SEC13: variants seen among roughly 807,000 people sequenced by gnomAD.
SEC13 encodes the protein SEC13 homolog, nuclear pore and COPII component.
A neutral mutation model predicts 49.2 loss-of-function variants in SEC13; 25 were observed. The ratio of observed to expected loss-of-function variants is 0.51; its 90% CI spans 0.37 to 0.71. The LOEUF (loss-of-function observed/expected upper bound fraction) is 0.71, where lower values mean the gene tolerates loss of function less well. Among genes scored for constraint, SEC13 ranks in the 30% least tolerant of loss-of-function variants. The pLI, the probability that SEC13 is intolerant of heterozygous loss-of-function variation, is 0.00. For missense variants in SEC13, 383 were observed against 417.6 expected (o/e 0.92, Z 0.72); for synonymous variants, 148 against 163.9 (o/e 0.90, Z 0.74).
At chr3:10,319,121 G>A in intron 1 of SEC13, 1 of 1,600,710 alleles carries the variant, frequency 6.2e-7, no homozygotes. Flanking sequence ...GTTTCAGTGT[G>A]GAACAGACAT....
chr3:10,318,991 G>T, intron 1 of SEC13: 1 of 733,658 alleles, frequency 1.4e-6, no homozygotes, highest in Non-Finnish European at 2.2e-6. Context: ...TTTGCAAATA[G>T]AAGGAACTCA....
chr3:10,315,719 G>A (rs1349193534), intron 2 of SEC13, among the ~76,000 whole-genome samples: 3 of 151,698 alleles, frequency 2.0e-5, no homozygotes, highest in African/African-American at 4.8e-5. Flanking sequence ...CGCAGGGTGG[G>A]TATGGGAGAA....
At position 10,317,001 on chromosome 3, in the gene SEC13, CAAAAA is replaced by C. The variant is rs35597823; in HGVS notation, c.48+1044_48+1048del. ...GGGCTACAAGAGCGAAACTCCATCTCAAAAAAAAAAAAAAAAAAAAAGAAAAGTAC... is the reference window on the plus strand; with the variant it reads ...GGGCTACAAGAGCGAAACTCCATCTCAAAAAAAAAAAAAAAAGAAAAGTAC... On this transcript the variant is annotated intron_variant, in intron 2 of 8. Transcript: ENST00000350697. Among the ~76,000 whole-genome samples, 7 of 74,884 alleles carry C rather than the reference CAAAAA, an allele frequency of 9.3e-5. No homozygotes were observed. The East Asian group carries it at 1.4e-3, about 15-fold the overall frequency. The allele number at this position is 74,884 out of a possible 152,430, so 49.1% of individuals were successfully genotyped here.
chr3:10,304,045 ACAGC>A lies in SEC13; in HGVS notation c.832_835del (p.Ala278SerfsTer8). The A allele has an allele frequency of 1.9e-6, 3 of 1,614,146 alleles. No homozygotes were observed. Among genetic ancestry groups the A allele is most frequent in the Non-Finnish European group, 2.5e-6 (3 of 1,180,028 alleles). The stretch of plus-strand genomic sequence containing the variant: ...ATGTACCTTATTGTCTCCACCAGAG[ACAGC>A]CAGGATGTTGGCTGTGATGGACCAG... On this transcript the variant is annotated frameshift_variant, in exon 8 of 9. Coordinates refer to ENST00000350697, the MANE Select transcript of SEC13 (RefSeq NM_183352.3). LOFTEE classifies it high-confidence loss of function.
intron 1 of SEC13, 81 bp downstream of exon 1, chr3:10,320,969 G>T: frequency 6.3e-7 from 1 of 1,592,256 alleles, no homozygotes; most frequent in Admixed American, 1.8e-5. Flanking sequence ...TTGGGATTTG[G>T]GACTCAGGAC....
chr3:10,306,035 CTGCCT>C, intron 5 of SEC13: 1 of 185,124 alleles, frequency 5.4e-6, no homozygotes, highest in Non-Finnish European at 1.1e-5. Flanking sequence ...ATTCTGCCAC[CTGCCT>C]GAAAAGCCCT....
intron 1 of SEC13, chr3:10,320,634 C>G: frequency 9.9e-7 from 1 of 1,011,878 alleles, no homozygotes; most frequent in Non-Finnish European, 1.2e-6. Context: ...GTGCAAGAGG[C>G]TCCACGTCTC....
intron 7 of SEC13, 42 bp downstream of exon 7, chr3:10,304,989 ACT>A (rs1295861250): frequency 2.5e-6 from 4 of 1,612,734 alleles, no homozygotes; most frequent in African/African-American, 1.3e-5. Context: ...GATGGGCCTG[ACT>A]CGAGACTAAA....
At chr3:10,305,274 A>C in intron 6 of SEC13, 118 bp from the exon 7 acceptor site, 1 of 1,414,686 alleles carries the variant, frequency 7.1e-7, no homozygotes, top group Non-Finnish European at 9.4e-7. Context: ...TCTTTCATTC[A>C]TGGAGTTTGT....
At chr3:10,304,976 GCT>G in intron 7 of SEC13, 55 bp downstream of exon 7, 1 of 1,611,704 alleles carries the variant, frequency 6.2e-7, no homozygotes, top group Admixed American at 1.7e-5. Flanking sequence ...GAGACTAAGA[GCT>G]GATGGGCCTG....
chr3:10,310,396 C>T (rs1189895201), intron 5 of SEC13, among the ~76,000 whole-genome samples: 1 of 152,128 alleles, frequency 6.6e-6, no homozygotes, highest in East Asian at 1.9e-4. Flanking sequence ...GAGGCTGAGG[C>T]ATGAGAATTG....
chr3:10,319,311 C>G, intron 1 of SEC13: 2 of 1,584,618 alleles, frequency 1.3e-6, no homozygotes, highest in Non-Finnish European at 1.7e-6. Flanking sequence ...ACCAGGTCCC[C>G]GAAGTCTGCA....
Position 10,305,607 on chromosome 3 carries a change from A to G in SEC13, c.536T>C (p.Ile179Thr), listed in dbSNP as rs565236207. 6.2e-7 allele frequency: 1 copy of G among 1,614,016 alleles called. No individual in the cohort carries two copies. Among genetic ancestry groups the G allele is most frequent in the Non-Finnish European group, 8.5e-7 (1 of 1,180,010 alleles). ...DHPSGQKPNY[I>T]KRFASGGCDN... is the part of the protein sequence containing the mutation. ...ACAGCCACCTGATGCAAACCTCTTGATGTAATTGGGTTTCTGCCCCGATGG... is the reference window on the plus strand; with the variant it reads ...ACAGCCACCTGATGCAAACCTCTTGGTGTAATTGGGTTTCTGCCCCGATGG... Residue 179 changes from isoleucine to threonine, a missense_variant, in exon 6 of 9, where the codon ATC becomes ACC. Ile to Thr is a moderately conservative substitution (Grantham distance 89). Transcript: ENST00000350697.
chr3:10,302,091 A>G (rs1225319439), intron 8 of SEC13, among the ~76,000 whole-genome samples: 1 of 152,002 alleles, frequency 6.6e-6, no homozygotes, highest in Non-Finnish European at 1.5e-5. Context: ...AAAAATACAC[A>G]CAAAAAAACT....
At chr3:10,318,519 A>G (rs1228921048) in intron 1 of SEC13, among the ~76,000 whole-genome samples, 4 of 151,900 alleles carry the variant, frequency 2.6e-5, no homozygotes, top group African/African-American at 9.7e-5. Flanking sequence ...GTGTGGGGAA[A>G]CGGCAAGCAG....
At chr3:10,310,091 G>A (rs933978375) in intron 5 of SEC13, among the ~76,000 whole-genome samples, 16 of 152,116 alleles carry the variant, frequency 1.1e-4, no homozygotes, top group East Asian at 9.6e-4. Context: ...ATTGTGGGCC[G>A]CTTCCACTCA....
chr3:10,316,432 C>A lies in SEC13; in HGVS notation c.49-996G>T, dbSNP rs144762870. Among the ~76,000 whole-genome samples the A allele has an allele frequency of 4.2e-3, 642 of 152,234 alleles. 4 individuals carry two copies. Among genetic ancestry groups the A allele is most frequent in the African/African-American group, 0.014 (577 of 41,538 alleles). On this transcript the variant is annotated intron_variant, in intron 2 of 8. Coordinates refer to ENST00000350697, the MANE Select transcript of SEC13 (RefSeq NM_183352.3). Reference sequence around the variant, plus strand: ...ACATCCTGATTTTTCTTTGGGAACTCCCTCCACTGTATCAGGCCTTGGTTT... The same window carrying A: ...ACATCCTGATTTTTCTTTGGGAACTACCTCCACTGTATCAGGCCTTGGTTT...
intron 3 of SEC13, among the ~76,000 whole-genome samples, chr3:10,314,772 G>C (rs1156954070): frequency 6.6e-6 from 1 of 152,202 alleles, no homozygotes. Flanking sequence ...AATAATCACT[G>C]AACACGTGCC....
Position 10,301,082 on chromosome 3 carries a change from G to C in SEC13, c.*179C>G, listed in dbSNP as rs761763775. ...CATGAGTGCTTTCAGCTGGACAGTA[G>C]ATTACAAAGCATCTCCGATCACGTT... On this transcript the variant is annotated 3_prime_UTR_variant, in exon 9 of 9. Coordinates refer to ENST00000350697, the MANE Select transcript of SEC13 (RefSeq NM_183352.3). The C allele has an allele frequency of 6.2e-7, 1 of 1,611,760 alleles. No individual in the cohort carries two copies. Among genetic ancestry groups the C allele is most frequent in the African/African-American group, 1.3e-5 (1 of 74,878 alleles).
Sources: allele counts gnomAD v4.1 joint callset (sites outside exome capture counted in the v4.1 genomes callset), GRCh38; gene constraint gnomAD v4.1.1; transcripts MANE v1.5; gene names NCBI Gene and HGNC (gene_info 2026-07-23, HGNC 2026-07-21).